The following NOS3 variants were observed in gnomAD, a reference collection of about 807,000 sequenced individuals.
NOS3 encodes NOS type III.
A neutral mutation model predicts 144.9 loss-of-function variants in NOS3; 98 were observed. The ratio of observed to expected loss-of-function variants is 0.68; its 90% confidence interval spans 0.57 to 0.80. NOS3 has a LOEUF of 0.80. Among genes scored for constraint, NOS3 ranks in the 30% least tolerant of loss-of-function variants. The pLI is 0.00. For synonymous variants in NOS3, 714 were observed against 702.4 expected (o/e 1.02, Z -0.26); for missense variants, 1,465 against 1,656.4 (o/e 0.88, Z 2.01).
chr7:151,010,235 G>A lies in NOS3; in HGVS notation c.2633G>A (p.Ser878Asn). The A allele has an allele frequency of 6.2e-7, 1 of 1,612,982 alleles. No homozygotes were observed. The highest frequency in any genetic ancestry group is 8.5e-7 in the Non-Finnish European group (1 of 1,179,966). The change falls in exon 21 of 27, where the codon AGC becomes AAC. Residue 878 changes from serine to asparagine, a missense_variant. This residue lies in a region of NOS3 where 745 missense variants were observed against 853.9 expected (regional missense o/e 0.87). Coordinates refer to ENST00000297494, the MANE Select transcript of NOS3 (RefSeq NM_000603.5). Reference protein sequence around the residue: ...PPSPQLLRLLSTLAEEPREQQ... With the variant: ...PPSPQLLRLLNTLAEEPREQQ... ...AGCCCTCAGCTCTTGCGGCTGCTCA[G>A]CACCTTGGCAGAAGAGCCCAGGGAA...
intron 24 of NOS3, chr7:151,012,789 C>G: frequency 3.0e-6 from 1 of 337,682 alleles, no homozygotes; most frequent in Non-Finnish European, 5.5e-6. Context: ...CAGAGCTGAC[C>G]GAGGTCTGTC....
rs765169676 is a variant in NOS3, at chr7:151,009,041, G to A, written c.2224G>A (p.Glu742Lys). Residue 742 changes from glutamate (E) to lysine (K), a missense_variant, in exon 18 of 27, where the codon GAG (glutamate) becomes AAG (lysine). Physicochemically the swap from Glu to Lys is moderately conservative, Grantham distance 56 (BLOSUM62 1). Transcript: ENST00000297494. The stretch of plus-strand genomic sequence containing the variant: ...GAGGTACCGGCTGAGCGCCCAGGCC[G>A]AGGGCCTGCAGTTGCTGCCAGGTGG... ...RQRYRLSAQAEGLQLLPGLIH... is the reference protein window; with the variant it reads ...RQRYRLSAQAKGLQLLPGLIH... 2.5e-6 allele frequency: 4 copies of A among 1,612,702 alleles called. No individual in the cohort carries two copies. The highest frequency in any genetic ancestry group is 2.2e-5 in the South Asian group (2 of 90,964).
intron 3 of NOS3, 78 bp from the exon 4 acceptor site, chr7:150,996,326 A>AC: frequency 3.2e-5 from 2 of 62,760 alleles, no homozygotes; most frequent in Non-Finnish European, 3.4e-5. Context: ...CCACCCCTGC[A>AC]CCCCTCCTCC....
chr7:151,007,191 G>T lies in NOS3; in HGVS notation c.2027G>T (p.Gly676Val), dbSNP rs927699195. The change falls in exon 17 of 27, where the codon GGG becomes GTG. Residue 676 changes from glycine to valine, a missense_variant. Physicochemically the swap from Gly to Val is moderately radical, Grantham distance 109. Transcript: ENST00000297494. ...GACACACGGCTGGAGGAACTGGGCG[G>T]GGAGCGGCTGCTGCAGCTGGGCCAG... is the stretch of plus-strand genomic sequence containing the variant. ...AVDTRLEELG[G>V]ERLLQLGQGD... 1 of 1,612,904 alleles carries T rather than the reference G, an allele frequency of 6.2e-7. No individual in the cohort carries two copies. Among genetic ancestry groups the T allele is most frequent in the Non-Finnish European group, 8.5e-7 (1 of 1,179,894 alleles).
intron 14 of NOS3, 137 bp from the exon 15 acceptor site, chr7:151,006,290 C>T (rs1041271984): frequency 2.4e-5 from 18 of 740,600 alleles, no homozygotes; most frequent in African/African-American, 2.1e-4. Flanking sequence ...AACATCAGAT[C>T]GCTTTTGAAA....
intron 12 of NOS3, 31 bp from the exon 13 acceptor site, chr7:151,001,790 C>A: frequency 6.2e-7 from 1 of 1,613,100 alleles, no homozygotes; most frequent in Non-Finnish European, 8.5e-7. Flanking sequence ...TCTGTGCACC[C>A]AGGACACCCT....
At chr7:151,012,524 C>CA in intron 24 of NOS3, 52 bp downstream of exon 24, 1 of 1,574,096 alleles carries the variant, frequency 6.4e-7, no homozygotes, top group Middle Eastern at 1.7e-4. Flanking sequence ...AATCTAGGGA[C>CA]AGAGGGGTGG....
At chr7:151,013,148 G>A in intron 24 of NOS3, 83 bp from the exon 25 acceptor site, 3 of 1,473,728 alleles carry the variant, frequency 2.0e-6, no homozygotes, top group Non-Finnish European at 2.8e-6. Flanking sequence ...GGGCTGCCAG[G>A]CTGGGCGACG....
chr7:150,999,121 G>A (rs1442104513), intron 8 of NOS3, 36 bp downstream of exon 8: 2 of 1,612,294 alleles, frequency 1.2e-6, no homozygotes, highest in East Asian at 2.2e-5. Context: ...TGGGATGGAG[G>A]GGGCCATCCC....
chr7:151,001,860 G>A lies in NOS3; in HGVS notation c.1542G>A (p.Met514Ile), dbSNP rs767000481. The change falls in exon 13 of 27, where the codon ATG (methionine) becomes ATA (isoleucine). Residue 514 changes from methionine (M) to isoleucine (I), a missense_variant. By Grantham distance (10) the Met-to-Ile change is conservative. Transcript: ENST00000297494. Reference protein sequence around the residue: ...KISASLMGTVMAKRVKATILY... With the variant: ...KISASLMGTVIAKRVKATILY... ...CCGCCTCGCTCATGGGCACGGTGAT[G>A]GCGAAGCGAGTGAAGGCGACAATCC... 6 of 1,613,750 alleles carry A rather than the reference G, an allele frequency of 3.7e-6. No individual in the cohort carries two copies. In the Admixed American group the frequency reaches 5.0e-5, roughly 13 times the overall value.
chr7:150,999,069 C>G lies in NOS3; in HGVS notation c.940C>G (p.Pro314Ala). The G allele has an allele frequency of 6.2e-7, 1 of 1,612,636 alleles. No homozygotes were observed. Among genetic ancestry groups the G allele is most frequent in the Non-Finnish European group, 8.5e-7 (1 of 1,179,928 alleles). Residue 314 changes from proline to alanine, a missense_variant, in exon 8 of 27, where the codon CCC becomes GCC. By Grantham distance (27) the Pro-to-Ala change is conservative. Transcript: ENST00000297494. ...LLPPELVLEVPLEHPTLEWFA... is the reference protein window; with the variant it reads ...LLPPELVLEVALEHPTLEWFA... ...GCCCCCCGAGCTGGTCCTTGAGGTG[C>G]CCCTGGAGCACCCCACGTGAGCACC...
Position 151,003,145 on chromosome 7 carries a change from A to G in NOS3, c.1752+841A>G, listed in dbSNP as rs757512349. On this transcript the variant is annotated intron_variant, in intron 14 of 26. Coordinates refer to ENST00000297494, the MANE Select transcript of NOS3 (RefSeq NM_000603.5). The surrounding 1 kb of genome is among the most constrained non-coding windows in gnomAD (Gnocchi z 4.1). ...GTACTCTTTTTTCTTTTTTCCTTTG[A>G]GACAGGGTCTCACTTTGTGGCCCAG... 1 of 451,862 alleles carries G rather than the reference A, an allele frequency of 2.2e-6. No homozygotes were observed. Among genetic ancestry groups the G allele is most frequent in the South Asian group, 1.6e-5 (1 of 64,134 alleles). 28.0% of individuals were successfully genotyped at this position (451,862 alleles called of 1,614,324 possible). A position where few individuals can be genotyped will look rare whatever the true frequency, so the allele number is the denominator to read the frequency against.
In NOS3 at chr7:151,003,611, C is replaced by A; in HGVS notation, c.1752+1307C>A. ...CACAAGGCATAGCACATTTTCACCACCCTGGAAAGTTCCCTCATCAGTTCC... is the reference window on the plus strand; with the variant it reads ...CACAAGGCATAGCACATTTTCACCAACCTGGAAAGTTCCCTCATCAGTTCC... On this transcript the variant is annotated intron_variant, in intron 14 of 26. Coordinates refer to ENST00000297494, the MANE Select transcript of NOS3 (RefSeq NM_000603.5). The surrounding 1 kb of genome is among the most constrained non-coding windows in gnomAD (Gnocchi z 4.1). 1 of 1,170,418 alleles carries A rather than the reference C, an allele frequency of 8.5e-7. No homozygotes were observed. The highest frequency in any genetic ancestry group is 1.2e-6 in the Non-Finnish European group (1 of 866,254). The allele number at this position is 1,170,418 out of a possible 1,614,324, so 72.5% of individuals were successfully genotyped here.
chr7:150,998,396 T>C lies in NOS3; in HGVS notation c.622T>C (p.Phe208Leu). The C allele has an allele frequency of 1.2e-6, 2 of 1,612,478 alleles. No homozygotes were observed. The highest frequency in any genetic ancestry group is 1.7e-6 in the Non-Finnish European group (2 of 1,179,856). The change falls in exon 6 of 27, where the codon TTC (phenylalanine) becomes CTC (leucine). Residue 208 changes from phenylalanine (F) to leucine (L), a missense_variant. Around this residue, in one of 5 missense-constraint regions of NOS3, gnomAD observed 374 missense variants for 377.0 expected, o/e 0.99. Coordinates refer to ENST00000297494, the MANE Select transcript of NOS3 (RefSeq NM_000603.5). The surrounding 1 kb of genome is among the most constrained non-coding windows in gnomAD (Gnocchi z 5.0). ...GGACTGCAGGTCTGCACAGGAAATG[T>C]TCACCTACATCTGCAACCACATCAA... ...ARDCRSAQEM[F>L]TYICNHIKYA...
rs763127838 is a variant in NOS3, at chr7:150,993,905, G to A, written c.102G>A (p.Pro34=). ...GCGGCAAGCAGGGCCCAGCCACCCC[G>A]GCCCCTGAGCCCAGCCGGGCCCCAG... ...GLCGKQGPAT[P]APEPSRAPAS... The change falls in exon 2 of 27, where the codon CCG becomes CCA. Residue 34 remains proline, a synonymous_variant. Coordinates refer to ENST00000297494, the MANE Select transcript of NOS3 (RefSeq NM_000603.5). This position sits in a 1 kb window ranked among gnomAD's most constrained non-coding sequence, Gnocchi z 4.0. 35 of 1,591,826 alleles carry A rather than the reference G, an allele frequency of 2.2e-5. No homozygotes were observed. Among genetic ancestry groups the A allele is most frequent in the South Asian group, 6.8e-5 (6 of 88,662 alleles).
At chr7:150,997,391 G>A (rs954712479) in intron 5 of NOS3, among the ~76,000 whole-genome samples, 3 of 152,120 alleles carry the variant, frequency 2.0e-5, no homozygotes, top group Admixed American at 6.5e-5. Context: ...TCTCCCCCAA[G>A]AGAGAAGGCT....
In NOS3 at chr7:151,014,294, A is replaced by G; in HGVS notation, c.*125A>G. The G allele has an allele frequency of 2.0e-6, 2 of 1,014,014 alleles. No homozygotes were observed. Among genetic ancestry groups the G allele is most frequent in the South Asian group, 3.3e-5 (2 of 60,250 alleles). 62.8% of individuals were successfully genotyped at this position (1,014,014 alleles called of 1,614,324 possible). A position where few individuals can be genotyped will look rare whatever the true frequency, so the allele number is the denominator to read the frequency against. Reference sequence around the variant, plus strand: ...CTTCTCACATCTGTCCAGAGGCTGCAAGGATTCAGCATTATTCCTCCAGGA... The same window carrying G: ...CTTCTCACATCTGTCCAGAGGCTGCGAGGATTCAGCATTATTCCTCCAGGA... On this transcript the variant is annotated 3_prime_UTR_variant, in exon 27 of 27. Transcript: ENST00000297494.
intron 2 of NOS3, 126 bp from the exon 3 acceptor site, chr7:150,995,077 G>T (rs989523723): frequency 1.7e-6 from 1 of 583,432 alleles, no homozygotes; most frequent in African/African-American, 1.9e-5. Context: ...CATGGGGAAC[G>T]CCAGAAGGCA....
At chr7:151,012,630 G>A (rs556596231) in intron 24 of NOS3, 158 bp downstream of exon 24, 3 of 831,508 alleles carry the variant, frequency 3.6e-6, no homozygotes, top group African/African-American at 3.4e-5. Context: ...AGGTACCAAA[G>A]GCAAGGGCTG....
Sources: allele counts gnomAD v4.1 joint callset (sites outside exome capture counted in the v4.1 genomes callset), GRCh38; gene constraint gnomAD v4.1.1; regional missense constraint gnomAD v4.1.1; non-coding constraint Gnocchi (gnomAD v3.1); transcripts MANE v1.5; gene names NCBI Gene and HGNC (gene_info 2026-07-23, HGNC 2026-07-21).